Variants in CTNNBL1 observed in about 807,000 individuals in gnomAD.
CTNNBL1 encodes beta-catenin-like protein 1.
In CTNNBL1, 31 loss-of-function variants were observed where a neutral mutation model predicts 72.7. The observed-to-expected ratio is 0.43, with a 90% CI of 0.32 to 0.58. The LOEUF (loss-of-function observed/expected upper bound fraction) is 0.58, where lower values mean the gene tolerates loss of function less well. CTNNBL1 is among the 20% of genes least tolerant of loss of function. The probability of loss-of-function intolerance (pLI) is 0.08; values close to 1 mark genes in which losing one functional copy is unlikely to be tolerated. For synonymous variants in CTNNBL1, 240 were observed against 267.3 expected, an observed-to-expected ratio of 0.90 and a Z score of 1.00; for missense variants, 534 against 725.1, an observed-to-expected ratio of 0.74 and a Z score of 3.03.
chr20:37,843,231 G>C (rs1411927094), intron 13 of CTNNBL1, among the ~76,000 whole-genome samples: 8 of 152,160 alleles, frequency 5.3e-5, no homozygotes. Flanking sequence ...TTTTTTCCAA[G>C]TCTACAGGAG....
intron 13 of CTNNBL1, among the ~76,000 whole-genome samples, chr20:37,848,716 A>G (rs534283538): frequency 1.3e-5 from 2 of 152,276 alleles, no homozygotes; most frequent in East Asian, 3.9e-4. Flanking sequence ...CACCTCTGCC[A>G]CTTACCTTGC....
At chr20:37,836,587 T>C (rs1041311998) in intron 11 of CTNNBL1, among the ~76,000 whole-genome samples, 6 of 152,234 alleles carry the variant, frequency 3.9e-5, no homozygotes, top group Admixed American at 3.9e-4. Context: ...GCCCACGTCC[T>C]GTTTGCCTCC....
intron 15 of CTNNBL1, among the ~76,000 whole-genome samples, chr20:37,871,443 C>T (rs1032442713): frequency 6.6e-6 from 1 of 152,174 alleles, no homozygotes; most frequent in Non-Finnish European, 1.5e-5. Flanking sequence ...ATTGCATCCT[C>T]ACATTGCAGA....
At chr20:37,700,217 A>G (rs964838021) in intron 1 of CTNNBL1, among the ~76,000 whole-genome samples, 1 of 152,186 alleles carries the variant, frequency 6.6e-6, no homozygotes, top group African/African-American at 2.4e-5. Context: ...AATCGCTTGT[A>G]AAATGAGGAG....
chr20:37,737,790 G>T (rs575903988), intron 3 of CTNNBL1, among the ~76,000 whole-genome samples: 2 of 152,318 alleles, frequency 1.3e-5, no homozygotes, highest in African/African-American at 4.8e-5. Flanking sequence ...ATACAAACAT[G>T]CTTCTTTCTT....
chr20:37,721,265 C>T (rs553855322), intron 1 of CTNNBL1, among the ~76,000 whole-genome samples: 8 of 152,310 alleles, frequency 5.3e-5, no homozygotes, highest in African/African-American at 1.2e-4. Flanking sequence ...AGCTAACTCA[C>T]GACTGTGGAG....
intron 1 of CTNNBL1, among the ~76,000 whole-genome samples, chr20:37,702,871 T>A (rs1044429499): frequency 1.3e-5 from 2 of 152,220 alleles, no homozygotes; most frequent in African/African-American, 4.8e-5. Flanking sequence ...GTTTAATGAT[T>A]GAATGAACTG....
At chr20:37,749,064 A>G (rs1333151230) in intron 4 of CTNNBL1, among the ~76,000 whole-genome samples, 1 of 152,138 alleles carries the variant, frequency 6.6e-6, no homozygotes, top group Non-Finnish European at 1.5e-5. Context: ...GTTTGTTTCT[A>G]CTTAGTGACA....
At chr20:37,823,376 A>C (rs1253604191) in intron 11 of CTNNBL1, among the ~76,000 whole-genome samples, 1 of 152,248 alleles carries the variant, frequency 6.6e-6, no homozygotes, top group Non-Finnish European at 1.5e-5. Flanking sequence ...GAAAGTGAAC[A>C]TAAGGCCGCC....
At chr20:37,860,226 G>A in intron 14 of CTNNBL1, 46 bp from the exon 15 acceptor site, 1 of 1,558,000 alleles carries the variant, frequency 6.4e-7, no homozygotes, top group Non-Finnish European at 8.9e-7. Flanking sequence ...GGTGTGTCAG[G>A]ACAAATGGTT....
At chr20:37,864,029 G>T (rs1028653097) in intron 15 of CTNNBL1, among the ~76,000 whole-genome samples, 4 of 152,122 alleles carry the variant, frequency 2.6e-5, no homozygotes, top group Non-Finnish European at 2.9e-5. Flanking sequence ...AGCACCCCCT[G>T]AACAGGGTGC....
At chr20:37,846,783 C>T (rs1428968837) in intron 13 of CTNNBL1, among the ~76,000 whole-genome samples, 5 of 152,146 alleles carry the variant, frequency 3.3e-5, no homozygotes, top group African/African-American at 4.8e-5. Flanking sequence ...TTGCCACTCC[C>T]TTCTGCCCTG....
chr20:37,717,211 G>A (rs544208513), intron 1 of CTNNBL1, among the ~76,000 whole-genome samples: 8 of 152,318 alleles, frequency 5.3e-5, no homozygotes, highest in Admixed American at 6.5e-5. Flanking sequence ...GCAGTGACCT[G>A]AGAGATAACT....
intron 11 of CTNNBL1, among the ~76,000 whole-genome samples, chr20:37,820,464 T>C (rs528957326): frequency 1.1e-4 from 16 of 152,292 alleles, no homozygotes; most frequent in African/African-American, 3.9e-4. Flanking sequence ...CTCCTTCCAG[T>C]GTTCCAGAAG....
At chr20:37,800,754 C>G (rs1425224978) in intron 10 of CTNNBL1, among the ~76,000 whole-genome samples, 1 of 152,156 alleles carries the variant, frequency 6.6e-6, no homozygotes, top group African/African-American at 2.4e-5. Context: ...CACTTGGATG[C>G]CTTGTGGCCT....
At chr20:37,774,905 T>A (rs1204309410) in intron 7 of CTNNBL1, among the ~76,000 whole-genome samples, 1 of 152,216 alleles carries the variant, frequency 6.6e-6, no homozygotes, top group Non-Finnish European at 1.5e-5. Flanking sequence ...TTTCTATTTC[T>A]TTTTTCTTTT....
At chr20:37,854,936 C>T (rs573835968) in intron 13 of CTNNBL1, among the ~76,000 whole-genome samples, 1 of 152,138 alleles carries the variant, frequency 6.6e-6, no homozygotes, top group African/African-American at 2.4e-5. Context: ...ATACAGAAGG[C>T]CCTTGGCACT....
chr20:37,789,020 A>G (rs1424731271), intron 10 of CTNNBL1, among the ~76,000 whole-genome samples: 1 of 152,252 alleles, frequency 6.6e-6, no homozygotes, highest in African/African-American at 2.4e-5. Flanking sequence ...ATCTTGGAAA[A>G]GAAGAAAAGA....
rs773690126 is a variant in CTNNBL1 at position 37,757,647 on chromosome 20, C to T, written c.555C>T (p.Ile185=). 1.1e-5 allele frequency: 18 copies of T among 1,612,366 alleles called. 1 individual carries two copies. In the South Asian group the frequency reaches 1.6e-4, roughly 15 times the overall value. ...HESEEGAEVL[I]DALVDGQVVA... is the part of the protein sequence containing the mutation. ...GTGAAGAGGGAGCAGAAGTGCTCAT[C>T]GATGCTCTGGTAAGTTGCACATCCT... Residue 185 remains isoleucine (I), a synonymous_variant, in exon 5 of 16, where the codon ATC becomes ATT. Coordinates refer to ENST00000361383, the MANE Select transcript of CTNNBL1 (RefSeq NM_030877.5).
Sources: allele counts gnomAD v4.1 joint callset (sites outside exome capture counted in the v4.1 genomes callset), GRCh38; gene constraint gnomAD v4.1.1; transcripts MANE v1.5; gene names NCBI Gene and HGNC (gene_info 2026-07-23, HGNC 2026-07-21).